LYZL1: variants seen among roughly 807,000 people sequenced by gnomAD.
The protein encoded by LYZL1 is lysozyme-like protein 1.
Under a neutral mutation model 17.9 loss-of-function variants are expected in LYZL1, and 16 were observed. The observed-to-expected ratio is 0.90, with a 90% confidence interval of 0.61 to 1.36. The LOEUF (loss-of-function observed/expected upper bound fraction) is 1.36. Ranked by LOEUF, LYZL1 falls within the 40% of genes most tolerant of loss-of-function variation. The probability of loss-of-function intolerance (pLI) is 0.00; values close to 1 mark genes in which losing one functional copy is unlikely to be tolerated. For synonymous variants in LYZL1, 58 were observed against 71.8 expected (o/e 0.81, Z 0.97); for missense variants, 149 against 188.4 (o/e 0.79, Z 1.22).
chr10:29,294,082 G>A (rs1346640411), intron 3 of LYZL1, among the ~76,000 whole-genome samples: 1 of 152,146 alleles, frequency 6.6e-6, no homozygotes, highest in Non-Finnish European at 1.5e-5. Context: ...ATAGAGAAAA[G>A]TTATCCCAGG....
At chr10:29,315,386 C>T (rs1835717851), downstream of LYZL1, among the ~76,000 whole-genome samples, 1 of 152,006 alleles carries the variant, frequency 6.6e-6, no homozygotes, top group African/African-American at 2.4e-5. Context: ...GTGGTGAGTG[C>T]CTGTAATCCT....
At chr10:29,310,502 A>G (rs1207144452) in intron 4 of LYZL1, among the ~76,000 whole-genome samples, 1 of 100,528 alleles carries the variant, frequency 9.9e-6, no homozygotes, top group Non-Finnish European at 2.0e-5. Flanking sequence ...TCGAGAGAGG[A>G]AAAAAAAAAA....
chr10:29,299,328 T>C (rs1008312139), intron 3 of LYZL1, among the ~76,000 whole-genome samples: 1 of 152,198 alleles, frequency 6.6e-6, no homozygotes, highest in African/African-American at 2.4e-5. Flanking sequence ...TCTATATGGT[T>C]TCAGACCTCT....
In LYZL1 at chr10:29,310,115, A is replaced by G. The variant is rs1341974699; in HGVS notation, c.304A>G (p.Ile102Val). ...ATGTCTTCTCTCTTTTACAGCCTTGATCACTGATGACCTCACAGATGCAAT... is the reference window on the plus strand; with the variant it reads ...ATGTCTTCTCTCTTTTACAGCCTTGGTCACTGATGACCTCACAGATGCAAT... ...NHCHVACSALITDDLTDAIIC... is the reference protein window; with the variant it reads ...NHCHVACSALVTDDLTDAIIC... Residue 102 changes from isoleucine (I) to valine (V), a missense_variant, in exon 4 of 5, where the codon ATC becomes GTC. Transcript: ENST00000649382. 1 of 1,610,410 alleles carries G rather than the reference A, an allele frequency of 6.2e-7. No individual in the cohort carries two copies. Among genetic ancestry groups the G allele is most frequent in the East Asian group, 2.2e-5 (1 of 44,844 alleles).
chr10:29,294,232 T>A (rs577818497), intron 3 of LYZL1, among the ~76,000 whole-genome samples: 9 of 152,188 alleles, frequency 5.9e-5, no homozygotes, highest in African/African-American at 2.2e-4. Context: ...CTAACGACCA[T>A]CTGAGTGTGA....
rs184791889 is a variant in LYZL1 at position 29,299,656 on chromosome 10, T to C, written c.298+6979T>C. On this transcript the variant is annotated intron_variant, in intron 3 of 4. Transcript: ENST00000649382. The stretch of plus-strand genomic sequence containing the variant: ...ATGTCTTTGTGGTGAATTGACCCTT[T>C]TGTCACTGGAGTCCGTGTTTCTCCT... Among the ~76,000 whole-genome samples the C allele has an allele frequency of 1.6e-3, 247 of 152,352 alleles. 2 individuals carry two copies. The highest frequency in any genetic ancestry group is 5.6e-3 in the African/African-American group (235 of 41,596).
At chr10:29,315,530 T>TAA (rs879762184), downstream of LYZL1, among the ~76,000 whole-genome samples, 5,437 of 151,008 alleles carry the variant, frequency 0.036, 169 homozygotes, top group South Asian at 0.079. Context: ...TAAAAATAAA[T>TAA]AAATAAATAA....
In LYZL1 at chr10:29,291,916, G is replaced by A. The variant is rs149374232; in HGVS notation, c.49G>A (p.Ala17Thr). ...CCTCATTGGCTGCCTGGTCACAGGC[G>A]CCGAGTCCAAAATCTACACTCGTTG... ...LTLIGCLVTG[A>T]ESKIYTRCKL... Residue 17 changes from alanine (A) to threonine (T), a missense_variant, in exon 2 of 5, where the codon GCC (alanine) becomes ACC (threonine). This residue lies in a region of LYZL1 where 19 missense variants were observed against 55.9 expected (regional missense o/e 0.34). Coordinates refer to ENST00000649382, the MANE Select transcript of LYZL1 (RefSeq NM_032517.6). 22 of 1,594,566 alleles carry A rather than the reference G, an allele frequency of 1.4e-5. No homozygotes were observed. Among genetic ancestry groups the A allele is most frequent in the Middle Eastern group, 1.8e-4 (1 of 5,628 alleles).
chr10:29,290,753 C>T (rs201059411), intron 1 of LYZL1, among the ~76,000 whole-genome samples: 107 of 152,162 alleles, frequency 7.0e-4, no homozygotes, highest in African/African-American at 2.4e-3. Context: ...GCAGGAGAAT[C>T]GCTTGAACCT....
chr10:29,294,047 G>C (rs1835414192), intron 3 of LYZL1, among the ~76,000 whole-genome samples: 1 of 152,102 alleles, frequency 6.6e-6, no homozygotes, highest in South Asian at 2.1e-4. Context: ...CCGAGACTTA[G>C]AAGATAGGGA....
chr10:29,304,942 A>G (rs1366125026), intron 3 of LYZL1, among the ~76,000 whole-genome samples: 3 of 152,186 alleles, frequency 2.0e-5, no homozygotes, highest in Non-Finnish European at 2.9e-5. Context: ...TCCTGGTCCA[A>G]TATGGCCCCA....
At position 29,292,600 on chromosome 10, in the gene LYZL1, T is replaced by C; in HGVS notation, c.221T>C (p.Ile74Thr). 6.2e-7 allele frequency: 1 copy of C among 1,614,138 alleles called. No individual in the cohort carries two copies. The highest frequency in any genetic ancestry group is 1.1e-5 in the South Asian group (1 of 91,080). Residue 74 changes from isoleucine to threonine, a missense_variant, in exon 3 of 5, where the codon ATC becomes ACC. By Grantham distance (89) the Ile-to-Thr change is moderately conservative (BLOSUM62 -1). Around this residue, in one of 2 missense-constraint regions of LYZL1, gnomAD observed 130 missense variants for 132.5 expected, o/e 0.98. Coordinates refer to ENST00000649382, the MANE Select transcript of LYZL1 (RefSeq NM_032517.6). ...GATGACGGCAGCATCGACTATGGCA[T>C]CTTCCAGATCAACAGCTTCGCGTGG... ...VLDDGSIDYGIFQINSFAWCR... is the reference protein window; with the variant it reads ...VLDDGSIDYGTFQINSFAWCR...
intron 3 of LYZL1, among the ~76,000 whole-genome samples, chr10:29,295,743 T>C (rs1226587767): frequency 6.6e-6 from 1 of 152,048 alleles, no homozygotes; most frequent in Non-Finnish European, 1.5e-5. Flanking sequence ...AGAGCTCCAA[T>C]GATAGAAGAA....
intron 3 of LYZL1, among the ~76,000 whole-genome samples, chr10:29,308,262 C>G (rs781326686): frequency 1.3e-5 from 2 of 152,156 alleles, no homozygotes; most frequent in Non-Finnish European, 2.9e-5. Context: ...TGACCCACAC[C>G]CAGTGACATG....
chr10:29,289,073 A>G lies in LYZL1; in HGVS notation c.-183A>G. The stretch of plus-strand genomic sequence containing the variant: ...TCTAAAGAAATGTTCTTGAGCTAGG[A>G]AAGGATTACTCGCGCCTCGTTAGAA... On this transcript the variant is annotated 5_prime_UTR_variant, in exon 1 of 5. Coordinates refer to ENST00000649382, the MANE Select transcript of LYZL1 (RefSeq NM_032517.6). 2 of 1,495,974 alleles carry G rather than the reference A, an allele frequency of 1.3e-6. No individual in the cohort carries two copies. The highest frequency in any genetic ancestry group is 1.8e-6 in the Non-Finnish European group (2 of 1,111,456). The allele number at this position is 1,495,974 out of a possible 1,614,324, so 92.7% of individuals were successfully genotyped here. A position where few individuals can be genotyped will look rare whatever the true frequency, so the allele number is the denominator to read the frequency against.
intron 3 of LYZL1, among the ~76,000 whole-genome samples, chr10:29,293,099 TTTTC>T (rs1835396463): frequency 6.6e-6 from 1 of 150,422 alleles, no homozygotes; most frequent in African/African-American, 2.5e-5. Context: ...TCCCTTTTTC[TTTTC>T]TTTCTTTTTT....
chr10:29,298,498 G>A (rs1382112536), intron 3 of LYZL1, among the ~76,000 whole-genome samples: 1 of 152,158 alleles, frequency 6.6e-6, no homozygotes, highest in Non-Finnish European at 1.5e-5. Context: ...TGGCCTCTGA[G>A]TGCACAGAGC....
intron 3 of LYZL1, among the ~76,000 whole-genome samples, chr10:29,306,045 TACGCAGCAAAG>T (rs1404594783): frequency 6.6e-6 from 1 of 152,192 alleles, no homozygotes; most frequent in Non-Finnish European, 1.5e-5. Context: ...TTTTAGAAAA[TACGCAGCAAAG>T]ACTTAAGAGC....
chr10:29,316,767 A>G (rs1835738258), intron 3 of LYZL1, among the ~76,000 whole-genome samples: 1 of 141,866 alleles, frequency 7.0e-6, no homozygotes, highest in African/African-American at 2.7e-5. Context: ...GCTAGGCTAG[A>G]GTGCAGTGGC....
Sources: allele counts gnomAD v4.1 joint callset (sites outside exome capture counted in the v4.1 genomes callset), GRCh38; gene constraint gnomAD v4.1.1; regional missense constraint gnomAD v4.1.1; transcripts MANE v1.5; gene names NCBI Gene and HGNC (gene_info 2026-07-23, HGNC 2026-07-21).